Variants in FER observed in about 807,000 individuals in gnomAD.
The protein encoded by FER is FER tyrosine kinase.
Under a neutral mutation model 111.0 loss-of-function variants are expected in FER, and 63 were observed. The ratio of observed to expected loss-of-function variants is 0.57; its 90% CI spans 0.46 to 0.70. FER has a LOEUF of 0.70. Ranked by LOEUF, FER falls within the 30% of genes least tolerant of loss-of-function variation. FER has a pLI of 0.00. For synonymous variants in FER, 327 were observed against 313.9 expected, an observed-to-expected ratio of 1.04 and a Z score of -0.44; for missense variants, 914 against 954.0, an observed-to-expected ratio of 0.96 and a Z score of 0.55.
intron 10 of FER, among the ~76,000 whole-genome samples, chr5:108,913,236 A>T (rs1751802156): frequency 6.6e-6 from 1 of 152,228 alleles, no homozygotes; most frequent in African/African-American, 2.4e-5. Context: ...TAGGTACTCG[A>T]TAAATTTTTC....
chr5:108,758,876 G>A lies in FER; in HGVS notation c.-205-9217G>A, dbSNP rs560960142. Among the ~76,000 whole-genome samples, 323 of 152,190 alleles carry A rather than the reference G, an allele frequency of 2.1e-3. 3 individuals carry two copies. The highest frequency in any genetic ancestry group is 7.1e-3 in the African/African-American group (294 of 41,512). ...AACGCATTTACTATAGTCCTCTAGC[G>A]TGCATACATTTCCTCCTTTGTATAT... On this transcript the variant is annotated intron_variant, in intron 1 of 19. Coordinates refer to ENST00000281092, the MANE Select transcript of FER (RefSeq NM_005246.4).
intron 2 of FER, among the ~76,000 whole-genome samples, chr5:108,780,744 T>G (rs899772913): frequency 6.6e-6 from 1 of 152,140 alleles, no homozygotes; most frequent in African/African-American, 2.4e-5. Flanking sequence ...CTCTCATTCT[T>G]CTTTTGGTAT....
At chr5:108,858,376 T>A (rs1443157294) in intron 5 of FER, among the ~76,000 whole-genome samples, 1 of 152,230 alleles carries the variant, frequency 6.6e-6, no homozygotes, top group East Asian at 1.9e-4. Flanking sequence ...TTGGTATTTG[T>A]TTAAAGCTTT....
At chr5:109,174,427 T>A (rs1012219517) in intron 17 of FER, among the ~76,000 whole-genome samples, 3 of 152,122 alleles carry the variant, frequency 2.0e-5, no homozygotes, top group African/African-American at 7.2e-5. Context: ...CTTGTTTTTG[T>A]TTTTGTTTTT....
At chr5:109,065,612 T>A (rs1774997543) in intron 16 of FER, among the ~76,000 whole-genome samples, 1 of 152,132 alleles carries the variant, frequency 6.6e-6, no homozygotes, top group East Asian at 1.9e-4. Context: ...TCCTAGCACT[T>A]TGGGAGCCTA....
chr5:109,063,904 C>A (rs17449999), intron 16 of FER, among the ~76,000 whole-genome samples: 1 of 152,032 alleles, frequency 6.6e-6, no homozygotes, highest in Non-Finnish European at 1.5e-5. Flanking sequence ...GATGTTATAT[C>A]TAAACCTAGA....
At chr5:108,866,374 G>A (rs1292548168) in intron 5 of FER, among the ~76,000 whole-genome samples, 1 of 152,174 alleles carries the variant, frequency 6.6e-6, no homozygotes, top group Non-Finnish European at 1.5e-5. Flanking sequence ...CCATAGGTGG[G>A]TATTGAACAG....
At chr5:109,150,504 T>C (rs1169686056) in intron 17 of FER, among the ~76,000 whole-genome samples, 2 of 152,174 alleles carry the variant, frequency 1.3e-5, no homozygotes, top group African/African-American at 2.4e-5. Context: ...TTTACATAGC[T>C]ACCTCTCTCC....
intron 16 of FER, among the ~76,000 whole-genome samples, chr5:109,047,550 A>C (rs1349985198): frequency 1.3e-5 from 2 of 152,132 alleles, no homozygotes; most frequent in Admixed American, 6.5e-5. Context: ...ACTGTATATC[A>C]TTTTCCAAGT....
rs111663056 is a variant in FER at position 109,067,227 on chromosome 5, TTTGTTGTTGTTGTTGTTG to T, written c.1924+20048_1924+20065del. 3.3e-5 allele frequency among the ~76,000 whole-genome samples: 5 copies of T among 150,008 alleles called. No homozygotes were observed. The East Asian group carries it at 7.8e-4, about 23-fold the overall frequency. On this transcript the variant is annotated intron_variant, in intron 16 of 19. Transcript: ENST00000281092. The stretch of plus-strand genomic sequence containing the variant: ...GTGTGTTAGGGAGTGGAGTGACTGG[TTTGTTGTTGTTGTTGTTG>T]TTGTTGTTGTTGTTGTTGCTGTTGC...
At chr5:108,774,365 CGTGT>C (rs1313910403) in intron 2 of FER, among the ~76,000 whole-genome samples, 3 of 152,022 alleles carry the variant, frequency 2.0e-5, no homozygotes, top group Non-Finnish European at 4.4e-5. Flanking sequence ...AATAAACATA[CGTGT>C]GTGTGTGTCT....
chr5:109,089,678 G>A (rs1030625646), intron 16 of FER, among the ~76,000 whole-genome samples: 1 of 152,172 alleles, frequency 6.6e-6, no homozygotes, highest in Non-Finnish European at 1.5e-5. Flanking sequence ...CTTGAAATGA[G>A]TGAAAAAAGC....
intron 17 of FER, among the ~76,000 whole-genome samples, chr5:109,139,903 T>C (rs1005030015): frequency 6.6e-6 from 1 of 152,084 alleles, no homozygotes; most frequent in African/African-American, 2.4e-5. Context: ...TAAAAAAAAA[T>C]AGAATTAAAC....
At position 109,165,218 on chromosome 5, in the gene FER, CAT is replaced by C. The variant is rs757710939; in HGVS notation, c.2049-15528_2049-15527del. ...GGAAACAATTATAAATTGTCAATCA[CAT>C]GTTACTACTTTCTGACACCAGGTAT... On this transcript the variant is annotated intron_variant, in intron 17 of 19. Transcript: ENST00000281092. Among the ~76,000 whole-genome samples the C allele has an allele frequency of 2.0e-5, 3 of 152,092 alleles. No individual in the cohort carries two copies. In the East Asian group the frequency reaches 5.8e-4, roughly 29 times the overall value.
intron 13 of FER, among the ~76,000 whole-genome samples, chr5:108,968,059 A>G (rs917456924): frequency 6.6e-6 from 1 of 152,182 alleles, no homozygotes; most frequent in Non-Finnish European, 1.5e-5. Flanking sequence ...CAGAGAAACA[A>G]GCTGCAATGT....
chr5:108,926,095 C>A (rs1318055364), intron 10 of FER, among the ~76,000 whole-genome samples: 3 of 151,064 alleles, frequency 2.0e-5, no homozygotes, highest in Non-Finnish European at 4.4e-5. Flanking sequence ...CAGTCATTGT[C>A]TTTTCAAAAC....
chr5:109,185,887 C>T (rs1400030929), intron 18 of FER, among the ~76,000 whole-genome samples: 2 of 152,168 alleles, frequency 1.3e-5, no homozygotes, highest in Non-Finnish European at 2.9e-5. Flanking sequence ...ACCAAGTACA[C>T]ATCTAGGCTA....
At chr5:109,125,854 TA>T (rs1377947068) in intron 17 of FER, among the ~76,000 whole-genome samples, 5 of 152,206 alleles carry the variant, frequency 3.3e-5, no homozygotes. Flanking sequence ...TCCTTTTTCC[TA>T]AACTGGAAAT....
chr5:108,998,795 C>T (rs1261360481), intron 13 of FER, among the ~76,000 whole-genome samples: 3 of 152,206 alleles, frequency 2.0e-5, no homozygotes, highest in Admixed American at 6.5e-5. Context: ...CCTTGCATCA[C>T]AGGGTGAACC....
Sources: allele counts gnomAD v4.1 joint callset (sites outside exome capture counted in the v4.1 genomes callset), GRCh38; gene constraint gnomAD v4.1.1; transcripts MANE v1.5; gene names NCBI Gene and HGNC (gene_info 2026-07-23, HGNC 2026-07-21).